MPRIP: variants seen among roughly 807,000 people sequenced by gnomAD.
MPRIP encodes the protein myosin phosphatase Rho interacting protein.
MPRIP carries 59 observed loss-of-function variants against 234.9 expected under a neutral mutation model. The ratio of observed to expected loss-of-function variants is 0.25; its 90% CI spans 0.20 to 0.31. The LOEUF is 0.31. Among genes scored for constraint, MPRIP ranks in the 10% least tolerant of loss-of-function variants. The pLI is 1.00. For missense variants in MPRIP, 2,436 were observed against 3,071.0 expected (o/e 0.79, Z 4.89); for synonymous variants, 1,144 against 1,263.9 (o/e 0.91, Z 2.01).
At chr17:17,063,371 GAGA>G (rs2088924591) in intron 1 of MPRIP, among the ~76,000 whole-genome samples, 1 of 152,254 alleles carries the variant, frequency 6.6e-6, no homozygotes, top group South Asian at 2.1e-4. Flanking sequence ...TGTTGTGAGA[GAGA>G]AGGAATACAT....
At position 17,061,920 on chromosome 17, in the gene MPRIP, G is replaced by A. The variant is rs138526732; in HGVS notation, c.124-13790G>A. 5.3e-5 allele frequency among the ~76,000 whole-genome samples: 8 copies of A among 152,196 alleles called. No individual in the cohort carries two copies. The East Asian group carries it at 1.5e-3, about 29-fold the overall frequency. On this transcript the variant is annotated intron_variant, in intron 1 of 23. Transcript: ENST00000651222. ...GTTGGGTGTATGTTCCTGACCTTGAGGCATTCTTGATTGTGCAGTTACCTA... is the reference window on the plus strand; with the variant it reads ...GTTGGGTGTATGTTCCTGACCTTGAAGCATTCTTGATTGTGCAGTTACCTA...
chr17:17,123,496 C>G (rs1039695516), intron 3 of MPRIP, among the ~76,000 whole-genome samples: 1 of 151,918 alleles, frequency 6.6e-6, no homozygotes, highest in African/African-American at 2.4e-5. Flanking sequence ...AACCCCGTCT[C>G]TACTAAAAAT....
chr17:17,147,226 G>A, intron 10 of MPRIP, 93 bp from the exon 11 acceptor site: 2 of 1,205,640 alleles, frequency 1.7e-6, no homozygotes, highest in Non-Finnish European at 2.5e-6. Context: ...CTCTGGGAGG[G>A]CCCCACAGGC....
chr17:17,116,212 G>A (rs966571275), intron 3 of MPRIP, among the ~76,000 whole-genome samples: 3 of 152,220 alleles, frequency 2.0e-5, no homozygotes, highest in African/African-American at 7.2e-5. Context: ...GGCTTAGTAT[G>A]CAGAGCAGTT....
rs563586705 is a variant in MPRIP at position 17,065,533 on chromosome 17, A to C, written c.124-10177A>C. ...TTACTAACTACTGTTCCATTGATCC[A>C]TGTGTCTGACTTTCCACCAATACCA... On this transcript the variant is annotated intron_variant, in intron 1 of 23. Transcript: ENST00000651222. 1.5e-3 allele frequency among the ~76,000 whole-genome samples: 225 copies of C among 152,200 alleles called. 1 individual carries two copies. The highest frequency in any genetic ancestry group is 6.8e-3 in the Middle Eastern group (2 of 294).
At chr17:17,086,352 C>T (rs1231531049) in intron 3 of MPRIP, among the ~76,000 whole-genome samples, 1 of 152,164 alleles carries the variant, frequency 6.6e-6, no homozygotes, top group Non-Finnish European at 1.5e-5. Context: ...GGACACAGAG[C>T]CTTAGATGAG....
At chr17:17,060,170 C>A (rs1486810358) in intron 1 of MPRIP, among the ~76,000 whole-genome samples, 1 of 152,168 alleles carries the variant, frequency 6.6e-6, no homozygotes, top group Non-Finnish European at 1.5e-5. Flanking sequence ...GCTGGCTCAT[C>A]TGGAAGTAAA....
At chr17:17,097,787 T>G (rs1403076487) in intron 3 of MPRIP, among the ~76,000 whole-genome samples, 3 of 152,162 alleles carry the variant, frequency 2.0e-5, no homozygotes, top group African/African-American at 7.2e-5. Context: ...GGTCTCTCAC[T>G]TTCCTTTCAA....
At chr17:17,184,068 T>C (rs1053252846) in intron 23 of MPRIP, among the ~76,000 whole-genome samples, 6 of 152,244 alleles carry the variant, frequency 3.9e-5, no homozygotes, top group Non-Finnish European at 8.8e-5. Context: ...TGAAAAGTGC[T>C]CTTCCTTTTC....
At chr17:17,104,449 A>G (rs2090023707) in intron 3 of MPRIP, among the ~76,000 whole-genome samples, 1 of 152,192 alleles carries the variant, frequency 6.6e-6, no homozygotes, top group Admixed American at 6.5e-5. Flanking sequence ...GAGATGTGGC[A>G]TGAAGGGTGG....
At chr17:17,052,852 C>T (rs1396622638) in intron 1 of MPRIP, among the ~76,000 whole-genome samples, 1 of 152,194 alleles carries the variant, frequency 6.6e-6, no homozygotes, top group African/African-American at 2.4e-5. Flanking sequence ...ATAGCTTTGT[C>T]CTTGATCTCT....
chr17:17,045,229 G>A (rs1014318615), intron 1 of MPRIP, among the ~76,000 whole-genome samples: 1 of 152,194 alleles, frequency 6.6e-6, no homozygotes, highest in African/African-American at 2.4e-5. Context: ...GCCCAGGGAG[G>A]TGGTGGGCAG....
intron 4 of MPRIP, 73 bp downstream of exon 4, chr17:17,126,926 C>T (rs1436118892): frequency 1.2e-5 from 19 of 1,550,036 alleles, no homozygotes; most frequent in Middle Eastern, 1.7e-4. Context: ...GCCGCCTGCC[C>T]CTGTGGCAGT....
At chr17:17,147,192 A>G (rs1305796418) in intron 10 of MPRIP, 127 bp from the exon 11 acceptor site, 3 of 861,732 alleles carry the variant, frequency 3.5e-6, no homozygotes, top group African/African-American at 1.7e-5. Context: ...GGGAGGGGCC[A>G]GCCTGTCCCC....
chr17:17,064,201 G>GTTTTT (rs752475475), intron 1 of MPRIP, among the ~76,000 whole-genome samples: 1 of 144,128 alleles, frequency 6.9e-6, no homozygotes, highest in Admixed American at 7.0e-5. Context: ...GGTTTTTTTT[G>GTTTTT]TTTTGTTTTT....
chr17:17,127,417 C>T (rs762936939), intron 4 of MPRIP, among the ~76,000 whole-genome samples: 163 of 152,362 alleles, frequency 1.1e-3, no homozygotes, highest in Admixed American at 2.9e-3. Context: ...TCACCCAGGT[C>T]CCCTGAGAGT....
rs1047799 is a variant in MPRIP at position 17,192,173 on chromosome 17, G to A, written c.*7279G>A. On this transcript the variant is annotated 3_prime_UTR_variant, in exon 24 of 24. Transcript: ENST00000651222. ...TGTGATTCCAGCAGTTCTCACAAAC[G>A]TTCTGTCACATGATGAAAAGAAGCA... is the stretch of plus-strand genomic sequence containing the variant. 1.3e-5 allele frequency: 2 copies of A among 152,008 alleles called. No homozygotes were observed. The highest frequency in any genetic ancestry group is 2.4e-5 in the African/African-American group (1 of 41,378). The allele number at this position is 152,008 out of a possible 1,614,324, so 9.4% of individuals were successfully genotyped here.
At chr17:17,057,801 A>G in intron 1 of MPRIP, 4 of 691,912 alleles carry the variant, frequency 5.8e-6, no homozygotes, top group Admixed American at 2.1e-5. Flanking sequence ...CATGACCTCC[A>G]GGGATCTTCA....
intron 3 of MPRIP, among the ~76,000 whole-genome samples, chr17:17,125,142 A>G (rs1311568115): frequency 2.0e-5 from 3 of 152,214 alleles, no homozygotes; most frequent in African/African-American, 7.2e-5. Flanking sequence ...GGACCCTCCA[A>G]GAGTGTCTGG....
Sources: gnomAD v4.1 joint callset for allele counts (sites outside exome capture counted in the v4.1 genomes callset) on GRCh38, gnomAD v4.1.1 for gene constraint, MANE v1.5 for transcripts, NCBI Gene and HGNC (gene_info 2026-07-23, HGNC 2026-07-21) for gene names.